SCTR: variants seen among roughly 807,000 people sequenced by gnomAD.
SCTR encodes the protein secretin receptor, also known as pancreatic secretin receptor.
Under a neutral mutation model 60.8 loss-of-function variants are expected in SCTR, and 56 were observed. The observed-to-expected ratio is 0.92, with a 90% CI of 0.74 to 1.15. The LOEUF (loss-of-function observed/expected upper bound fraction) is 1.15, where lower values mean the gene tolerates loss of function less well. Among genes scored for constraint, SCTR ranks in the 50% most tolerant of loss-of-function variants. The pLI, the probability that SCTR is intolerant of heterozygous loss-of-function variation, is 0.00. For synonymous variants in SCTR, 202 were observed against 217.0 expected, an observed-to-expected ratio of 0.93 and a Z score of 0.61; for missense variants, 562 against 550.4, an observed-to-expected ratio of 1.02 and a Z score of -0.21.
intron 2 of SCTR, among the ~76,000 whole-genome samples, chr2:119,482,638 C>T (rs1013622196): frequency 2.6e-5 from 4 of 152,162 alleles, no homozygotes; most frequent in African/African-American, 9.7e-5. Context: ...GGGACGGCTC[C>T]GCCACTATCC....
intron 2 of SCTR, among the ~76,000 whole-genome samples, chr2:119,493,328 G>A (rs1678211095): frequency 6.6e-6 from 1 of 152,204 alleles, no homozygotes; most frequent in African/African-American, 2.4e-5. Flanking sequence ...CATTAGGGGT[G>A]TTTCCACTTC....
Position 119,505,396 on chromosome 2 carries a change from G to A in SCTR, c.73-10848C>T, listed in dbSNP as rs865807999. Among the ~76,000 whole-genome samples, 125 of 148,974 alleles carry A rather than the reference G, an allele frequency of 8.4e-4. 1 individual carries two copies. The highest frequency in any genetic ancestry group is 3.6e-3 in the Middle Eastern group (1 of 274). ...TAAATGACTAGTTAATGGGTGTAGC[G>A]CACCAACATGGCACATGTATACATA... is the stretch of plus-strand genomic sequence containing the variant. On this transcript the variant is annotated intron_variant, in intron 1 of 12. Transcript: ENST00000019103.
intron 1 of SCTR, among the ~76,000 whole-genome samples, chr2:119,494,780 A>G (rs904707585): frequency 6.6e-6 from 1 of 152,144 alleles, no homozygotes; most frequent in Non-Finnish European, 1.5e-5. Flanking sequence ...TGTCCACTGC[A>G]AATTTTGCTT....
intron 5 of SCTR, among the ~76,000 whole-genome samples, chr2:119,464,491 C>T (rs1346886510): frequency 6.6e-6 from 1 of 151,438 alleles, no homozygotes; most frequent in African/African-American, 2.4e-5. Flanking sequence ...GTGTGGCTCA[C>T]ACCTGTAATC....
chr2:119,460,237 A>C (rs1683548658), intron 7 of SCTR, among the ~76,000 whole-genome samples: 1 of 152,020 alleles, frequency 6.6e-6, no homozygotes, highest in Admixed American at 6.6e-5. Flanking sequence ...CACTTCTTAA[A>C]GGCACCAGGA....
chr2:119,485,578 T>A (rs533457610), intron 2 of SCTR, among the ~76,000 whole-genome samples: 37 of 152,180 alleles, frequency 2.4e-4, no homozygotes, highest in Non-Finnish European at 4.9e-4. Context: ...CAGGCTGCAG[T>A]GGCAGGGGGC....
intron 10 of SCTR, 149 bp downstream of exon 10, chr2:119,448,540 G>A (rs567556942): frequency 2.6e-5 from 16 of 606,450 alleles, no homozygotes; most frequent in African/African-American, 7.4e-5. Context: ...ACCATTCCCC[G>A]CAACCGCCCC....
In SCTR at chr2:119,468,394, C is replaced by G. The variant is rs78437570; in HGVS notation, c.406-2508G>C. The stretch of plus-strand genomic sequence containing the variant: ...GCTTCAGAGCCAGGAGACAAGGGTT[C>G]CAAACCCGGACTGTGACTCACCAAC... On this transcript the variant is annotated intron_variant, in intron 4 of 12. Coordinates refer to ENST00000019103, the MANE Select transcript of SCTR (RefSeq NM_002980.3). Among the ~76,000 whole-genome samples the G allele has an allele frequency of 4.1e-3, 628 of 152,276 alleles. 3 individuals carry two copies. The highest frequency in any genetic ancestry group is 0.014 in the African/African-American group (572 of 41,558).
chr2:119,476,913 G>A (rs1410665858), intron 3 of SCTR: 1 of 152,190 alleles, frequency 6.6e-6, no homozygotes, highest in Non-Finnish European at 1.5e-5. Context: ...GAGCTCCCAG[G>A]ACCCCAGAGG....
intron 5 of SCTR, among the ~76,000 whole-genome samples, chr2:119,464,642 A>T (rs1558848934): frequency 6.6e-6 from 1 of 152,176 alleles, no homozygotes; most frequent in Non-Finnish European, 1.5e-5. Flanking sequence ...CTTGTACAAG[A>T]GGCTGAAGTG....
At chr2:119,460,317 C>A (rs1463850586) in intron 7 of SCTR, among the ~76,000 whole-genome samples, 1 of 152,024 alleles carries the variant, frequency 6.6e-6, no homozygotes, top group East Asian at 1.9e-4. Flanking sequence ...CTCACAGGAA[C>A]CTGGCTCTCT....
intron 5 of SCTR, among the ~76,000 whole-genome samples, chr2:119,464,832 A>G (rs1027455746): frequency 3.9e-5 from 6 of 152,076 alleles, no homozygotes. Flanking sequence ...AGGGGTGAGG[A>G]CGGCAACCAG....
At chr2:119,454,238 G>A (rs1302816192) in intron 7 of SCTR, among the ~76,000 whole-genome samples, 5 of 152,150 alleles carry the variant, frequency 3.3e-5, no homozygotes, top group Non-Finnish European at 7.3e-5. Flanking sequence ...GGAGGCAGGC[G>A]GCAGAGTGGG....
chr2:119,463,532 T>C (rs542713669), intron 6 of SCTR, among the ~76,000 whole-genome samples: 1 of 152,310 alleles, frequency 6.6e-6, no homozygotes, highest in South Asian at 2.1e-4. Context: ...CCACCTCATC[T>C]GTGGACTGCT....
chr2:119,487,794 G>C (rs1387003931), intron 2 of SCTR, among the ~76,000 whole-genome samples: 1 of 152,212 alleles, frequency 6.6e-6, no homozygotes, highest in Non-Finnish European at 1.5e-5. Context: ...CGGGCTCGGT[G>C]ACAGCTCCTT....
chr2:119,445,880 C>G (rs1215892215), intron 11 of SCTR, among the ~76,000 whole-genome samples: 2 of 152,206 alleles, frequency 1.3e-5, no homozygotes. Flanking sequence ...GTGTAGCAAC[C>G]CAACCAGTTG....
chr2:119,492,268 A>G (rs1296181193), intron 2 of SCTR, among the ~76,000 whole-genome samples: 3 of 152,232 alleles, frequency 2.0e-5, no homozygotes, highest in South Asian at 2.1e-4. Context: ...ATATGCAACA[A>G]ATAAATTCCT....
intron 1 of SCTR, among the ~76,000 whole-genome samples, chr2:119,498,653 A>G (rs892966900): frequency 6.6e-6 from 1 of 152,106 alleles, no homozygotes; most frequent in African/African-American, 2.4e-5. Context: ...GAGCATGAGA[A>G]CACCAGTAGC....
At chr2:119,523,350 G>A (rs1679344020) in intron 1 of SCTR, among the ~76,000 whole-genome samples, 1 of 150,966 alleles carries the variant, frequency 6.6e-6, no homozygotes, top group African/African-American at 2.4e-5. Flanking sequence ...GGGACTCCCA[G>A]GAATTTCTGT....
Sources: gnomAD v4.1 joint callset for allele counts (sites outside exome capture counted in the v4.1 genomes callset) on GRCh38, gnomAD v4.1.1 for gene constraint, MANE v1.5 for transcripts, NCBI Gene and HGNC (gene_info 2026-07-23, HGNC 2026-07-21) for gene names.